Variants in WDR90 observed in about 807,000 individuals in gnomAD.
WDR90 encodes WD repeat domain 90, also known as WD repeat-containing protein 90.
A neutral mutation model predicts 195.2 loss-of-function variants in WDR90; 238 were observed. The ratio of observed to expected loss-of-function variants is 1.22; its 90% CI spans 1.10 to 1.36. WDR90 has a LOEUF of 1.36. Among genes scored for constraint, WDR90 ranks in the 40% most tolerant of loss-of-function variants. The pLI is 0.00. For synonymous variants in WDR90, 1,265 were observed against 1,052.4 expected, an observed-to-expected ratio of 1.20 and a Z score of -3.91; for missense variants, 2,734 against 2,439.5, an observed-to-expected ratio of 1.12 and a Z score of -2.54.
chr16:653,881 A>G, intron 13 of WDR90, 78 bp downstream of exon 13: 2 of 1,546,382 alleles, frequency 1.3e-6, no homozygotes, highest in Non-Finnish European at 1.8e-6. Flanking sequence ...TGGTTTTCTG[A>G]AACTCCAGCT....
At position 667,603 on chromosome 16, in the gene WDR90, C is replaced by A. The variant is rs763571525; in HGVS notation, c.*14C>A. 1.9e-6 allele frequency: 3 copies of A among 1,604,530 alleles called. No homozygotes were observed. The highest frequency in any genetic ancestry group is 2.5e-6 in the Non-Finnish European group (3 of 1,179,894). ...CCCGGCCTCTGAGATGCAGCAGGGA[C>A]TGTGGTGGTGGGCATCACGCCTGGT... On this transcript the variant is annotated 3_prime_UTR_variant, in exon 41 of 41. Coordinates refer to ENST00000293879, the MANE Select transcript of WDR90 (RefSeq NM_145294.5).
At position 667,449 on chromosome 16, in the gene WDR90, G is replaced by A; in HGVS notation, c.5107G>A (p.Val1703Ile). 1.9e-6 allele frequency: 3 copies of A among 1,603,250 alleles called. No individual in the cohort carries two copies. Among genetic ancestry groups the A allele is most frequent in the Non-Finnish European group, 2.6e-6 (3 of 1,172,466 alleles). ...ACCCACAGAGTGCATGCTGAGGCTG[G>A]TAGACTGTGCCATGGGGACTGCCCA... ...VGFAECMLRLVDCAMGTAQDF... is the reference protein window; with the variant it reads ...VGFAECMLRLIDCAMGTAQDF... The change falls in exon 41 of 41, where the codon GTA (valine) becomes ATA (isoleucine). Residue 1703 changes from valine (V) to isoleucine (I), a missense_variant. Physicochemically the swap from Val to Ile is conservative, Grantham distance 29. Coordinates refer to ENST00000293879, the MANE Select transcript of WDR90 (RefSeq NM_145294.5).
At chr16:657,339 G>C (rs1049346808) in intron 20 of WDR90, 118 bp downstream of exon 20, 2 of 1,404,570 alleles carry the variant, frequency 1.4e-6, no homozygotes, top group Non-Finnish European at 1.9e-6. Flanking sequence ...GGGTCCTGTG[G>C]GGGGGCGTGG....
rs749128338 is a variant in WDR90 at position 667,527 on chromosome 16, G to T, written c.5185G>T (p.Ala1729Ser). 4 of 1,612,238 alleles carry T rather than the reference G, an allele frequency of 2.5e-6. No homozygotes were observed. Among genetic ancestry groups the T allele is most frequent in the South Asian group, 2.2e-5 (2 of 91,078 alleles). ...GCACCTGTGCAGGTTTACACCGTCC[G>T]CCAGGCTGCTCTTCACGGCCGCCCG... ...AVHLCRFTPS[A>S]RLLFTAARNE... The change falls in exon 41 of 41, where the codon GCC becomes TCC. Residue 1729 changes from alanine (A) to serine (S), a missense_variant. Ala to Ser is a moderately conservative substitution (Grantham distance 99). Transcript: ENST00000293879.
Position 662,323 on chromosome 16 carries a change from A to G in WDR90, c.4137A>G (p.Ser1379=). 3 of 1,563,322 alleles carry G rather than the reference A, an allele frequency of 1.9e-6. No individual in the cohort carries two copies. The highest frequency in any genetic ancestry group is 2.3e-5 in the South Asian group (2 of 85,546). The change falls in exon 33 of 41, where the codon TCA becomes TCG. Residue 1379 remains serine, a synonymous_variant. Transcript: ENST00000293879. The part of the protein sequence containing the change: ...GAVSELRCKG[S]GASSVFMEHE... ...TGTCGGAGCTGAGGTGCAAGGGCTCAGGCGCCAGGTGAGCTGTTCACCCCT... is the reference window on the plus strand; with the variant it reads ...TGTCGGAGCTGAGGTGCAAGGGCTCGGGCGCCAGGTGAGCTGTTCACCCCT...
chr16:659,904 C>T (rs924280470), intron 26 of WDR90, among the ~76,000 whole-genome samples, 154 bp from the exon 27 acceptor site: 2 of 152,194 alleles, frequency 1.3e-5, no homozygotes, highest in South Asian at 2.1e-4. Context: ...CAGTGGGACA[C>T]GGTTTGCCTG....
chr16:657,636 G>C, intron 20 of WDR90, 126 bp from the exon 21 acceptor site: 1 of 1,331,714 alleles, frequency 7.5e-7, no homozygotes, highest in Non-Finnish European at 9.9e-7. Flanking sequence ...CTGCCGGTGT[G>C]ATGCGTCTGT....
chr16:651,280 G>T lies in WDR90; in HGVS notation c.736+14G>T, dbSNP rs554364278. ...CTCCTGAGGCAGGTGGGTCTGGGGG[G>T]TCAGCGGGGACCCAGGTTAAGGCCT... On this transcript the variant is annotated intron_variant, in intron 7 of 40. Coordinates refer to ENST00000293879, the MANE Select transcript of WDR90 (RefSeq NM_145294.5). 3 of 1,612,762 alleles carry T rather than the reference G, an allele frequency of 1.9e-6. No homozygotes were observed. The highest frequency in any genetic ancestry group is 3.3e-5 in the Admixed American group (2 of 60,016).
In WDR90 at chr16:649,408, G is replaced by T. The variant is rs1052450209; in HGVS notation, c.-9G>T. The T allele has an allele frequency of 1.1e-5, 14 of 1,315,224 alleles. No individual in the cohort carries two copies. Among genetic ancestry groups the T allele is most frequent in the Non-Finnish European group, 1.4e-5 (14 of 1,035,198 alleles). The allele number at this position is 1,315,224 out of a possible 1,614,324, so 81.5% of individuals were successfully genotyped here. A position where few individuals can be genotyped will look rare whatever the true frequency, so the allele number is the denominator to read the frequency against. ...GGAGGCCTAGGCGGGAAGCTCGAGC[G>T]GCGGCGCCATGGCCCGAGGTAGCGC... On this transcript the variant is annotated 5_prime_UTR_variant, in exon 1 of 41. Coordinates refer to ENST00000293879, the MANE Select transcript of WDR90 (RefSeq NM_145294.5).
rs776638027 is a variant in WDR90, at chr16:666,955, C to G, written c.5055C>G (p.Ser1685=). The change falls in exon 40 of 41, where the codon TCC becomes TCG. Residue 1685 remains serine, a synonymous_variant. Coordinates refer to ENST00000293879, the MANE Select transcript of WDR90 (RefSeq NM_145294.5). The part of the protein sequence containing the change: ...LPFFAMSLSL[S]PGTHLLAVGF... ...TTTTTGCCATGTCCCTGAGCCTGTC[C>G]CCCGGGACCCACCTCCTGGCTGTTG... 2 of 1,611,162 alleles carry G rather than the reference C, an allele frequency of 1.2e-6. No individual in the cohort carries two copies. Among genetic ancestry groups the G allele is most frequent in the Non-Finnish European group, 1.7e-6 (2 of 1,178,804 alleles).
At position 655,322 on chromosome 16, in the gene WDR90, G is replaced by A; in HGVS notation, c.1572G>A (p.Gly524=). The A allele has an allele frequency of 6.2e-7, 1 of 1,605,024 alleles. No individual in the cohort carries two copies. Among genetic ancestry groups the A allele is most frequent in the Non-Finnish European group, 8.5e-7 (1 of 1,179,664 alleles). ...TTCCTTGCAGGATGGCGTCGTGCGG[G>A]CAGGGCAGTGTGCGGCTCTGGCGGC... ...FFDETRMASC[G]QGSVRLWRLR... is the part of the protein sequence containing the mutation. Residue 524 remains glycine (G), a synonymous_variant, in exon 15 of 41, where the codon GGG becomes GGA. Transcript: ENST00000293879.
chr16:651,894 C>T lies in WDR90; in HGVS notation c.908C>T (p.Ala303Val), dbSNP rs766502937. Reference protein sequence around the residue: ...EVSLSQERSDASNADGPGFHS... With the variant: ...EVSLSQERSDVSNADGPGFHS... ...AGCCTGTCCCAAGAGCGCTCAGACGCCTCCAACGCGGATGGCCCCGGTTTC... is the reference window on the plus strand; with the variant it reads ...AGCCTGTCCCAAGAGCGCTCAGACGTCTCCAACGCGGATGGCCCCGGTTTC... Residue 303 changes from alanine (A) to valine (V), a missense_variant, in exon 9 of 41, where the codon GCC becomes GTC. Coordinates refer to ENST00000293879, the MANE Select transcript of WDR90 (RefSeq NM_145294.5). 6.2e-7 allele frequency: 1 copy of T among 1,611,272 alleles called. No individual in the cohort carries two copies. The highest frequency in any genetic ancestry group is 1.7e-5 in the Admixed American group (1 of 59,972).
chr16:657,325 G>A lies in WDR90; in HGVS notation c.2473+104G>A, dbSNP rs898064472. On this transcript the variant is annotated intron_variant, in intron 20 of 40. Transcript: ENST00000293879. Reference sequence around the variant, plus strand: ...ACACATGCCGGTTTCCTGGTGCACCGACTGGGTCCTGTGGGGGGGCGTGGC... The same window carrying A: ...ACACATGCCGGTTTCCTGGTGCACCAACTGGGTCCTGTGGGGGGGCGTGGC... The A allele has an allele frequency of 2.3e-5, 33 of 1,429,790 alleles. No homozygotes were observed. In the Admixed American group the frequency reaches 3.4e-4, roughly 15 times the overall value. 88.6% of individuals were successfully genotyped at this position (1,429,790 alleles called of 1,614,324 possible). A position where few individuals can be genotyped will look rare whatever the true frequency, so the allele number is the denominator to read the frequency against.
At position 666,494 on chromosome 16, in the gene WDR90, G is replaced by A. The variant is rs373898012; in HGVS notation, c.4780G>A (p.Ala1594Thr). ...GGTGGAGGGCACAGACCTATGGCTG[G>A]CTGCCAGTGGGGACCAGCGGGTCAG... Reference protein sequence around the residue: ...LGVEGTDLWLAASGDQRVSVW... With the variant: ...LGVEGTDLWLTASGDQRVSVW... The change falls in exon 38 of 41, where the codon GCT (alanine) becomes ACT (threonine). Residue 1594 changes from alanine to threonine, a missense_variant. By Grantham distance (58) the Ala-to-Thr change is moderately conservative. Transcript: ENST00000293879. The A allele has an allele frequency of 7.5e-5, 121 of 1,612,570 alleles. No individual in the cohort carries two copies. Among genetic ancestry groups the A allele is most frequent in the Middle Eastern group, 6.6e-4 (4 of 6,082 alleles).
At position 655,930 on chromosome 16, in the gene WDR90, C is replaced by T. The variant is rs536735189; in HGVS notation, c.1966+41C>T. On this transcript the variant is annotated intron_variant, in intron 17 of 40. Transcript: ENST00000293879. ...CGCTCTCCCAACTCCGGGAGAGCCT[C>T]GCCTGGATGCTGGGGCGGGGAAGGC... The T allele has an allele frequency of 3.9e-5, 60 of 1,549,790 alleles. 1 individual carries two copies. The Admixed American group carries it at 6.5e-4, about 17-fold the overall frequency.
chr16:664,592 G>A (rs919369978), intron 34 of WDR90, among the ~76,000 whole-genome samples: 6 of 152,164 alleles, frequency 3.9e-5, no homozygotes, highest in Admixed American at 1.3e-4. Context: ...GGACTTTGCC[G>A]TTTCCTTGTA....
At chr16:658,783 C>T (rs1041386085) in intron 23 of WDR90, 113 bp from the exon 24 acceptor site, 10 of 1,556,234 alleles carry the variant, frequency 6.4e-6, no homozygotes, top group East Asian at 4.5e-5. Flanking sequence ...CCCAAGGATC[C>T]TCTGTGCCTC....
chr16:655,193 GGAGTGGGGGCCGAGGCCC>G, intron 14 of WDR90, 46 bp downstream of exon 14: 2 of 1,612,058 alleles, frequency 1.2e-6, no homozygotes, highest in Admixed American at 1.7e-5. Flanking sequence ...GTCTGGGCCC[GGAGTGGGGGCCGAGGCCC>G]GAGCACCTCC....
chr16:665,363 A>G (rs1410846330), intron 34 of WDR90: 2 of 551,894 alleles, frequency 3.6e-6, no homozygotes, highest in African/African-American at 3.9e-5. Context: ...CCTGTCTTTC[A>G]GCCTCAGTCT....
Sources: allele counts gnomAD v4.1 joint callset (sites outside exome capture counted in the v4.1 genomes callset), GRCh38; gene constraint gnomAD v4.1.1; transcripts MANE v1.5; gene names NCBI Gene and HGNC (gene_info 2026-07-23, HGNC 2026-07-21).